UBE2E2: variants seen among roughly 807,000 people sequenced by gnomAD.
UBE2E2 encodes ubiquitin-conjugating enzyme E2 E2.
In UBE2E2, 6 loss-of-function variants were observed where a neutral mutation model predicts 24.7. That is an observed-to-expected ratio of 0.24 (90% CI 0.13 to 0.48). UBE2E2 has a LOEUF of 0.48. UBE2E2 is among the 20% of genes least tolerant of loss of function. The pLI is 0.99. For missense variants in UBE2E2, 169 were observed against 245.0 expected (o/e 0.69, Z 2.07); for synonymous variants, 104 against 83.6 (o/e 1.24, Z -1.33).
chr3:23,582,898 G>GTA (rs1696520826), intron 5 of UBE2E2, among the ~76,000 whole-genome samples: 1 of 112,232 alleles, frequency 8.9e-6, no homozygotes, highest in African/African-American at 3.9e-5. Context: ...TGTGTGTTGT[G>GTA]TGTTTGTTTG....
intron 3 of UBE2E2, among the ~76,000 whole-genome samples, chr3:23,418,553 G>T (rs2125388690): frequency 6.6e-6 from 1 of 152,316 alleles, no homozygotes; most frequent in South Asian, 2.1e-4. Flanking sequence ...ATGTTGGCCA[G>T]GCTGTTCTCG....
chr3:23,403,648 C>T (rs1006463803), intron 3 of UBE2E2, among the ~76,000 whole-genome samples: 3 of 151,984 alleles, frequency 2.0e-5, no homozygotes, highest in African/African-American at 4.8e-5. Flanking sequence ...TGGTGAAACC[C>T]GGTCTCTATT....
chr3:23,442,356 C>G (rs1233951405), intron 3 of UBE2E2, among the ~76,000 whole-genome samples: 1 of 140,044 alleles, frequency 7.1e-6, no homozygotes, highest in Non-Finnish European at 1.5e-5. Flanking sequence ...TCCCACCCAA[C>G]CCCCCAAAAA....
chr3:23,555,062 C>T (rs1030118222), intron 5 of UBE2E2, among the ~76,000 whole-genome samples: 1 of 151,902 alleles, frequency 6.6e-6, no homozygotes, highest in Non-Finnish European at 1.5e-5. Context: ...ACTACAGGTG[C>T]CTGCCACCAC....
chr3:23,483,930 G>A (rs567197485), intron 3 of UBE2E2, among the ~76,000 whole-genome samples: 14 of 152,238 alleles, frequency 9.2e-5, no homozygotes, highest in African/African-American at 1.4e-4. Context: ...CAAACACAGC[G>A]GAGTTTGTCT....
chr3:23,542,812 T>C (rs1161235989), intron 5 of UBE2E2, among the ~76,000 whole-genome samples: 1 of 152,178 alleles, frequency 6.6e-6, no homozygotes, highest in Non-Finnish European at 1.5e-5. Flanking sequence ...GTCAGTTAAG[T>C]TTGTCTGGTT....
At chr3:23,327,871 T>C (rs1264827688) in intron 3 of UBE2E2, among the ~76,000 whole-genome samples, 1 of 152,222 alleles carries the variant, frequency 6.6e-6, no homozygotes, top group African/African-American at 2.4e-5. Context: ...TCTGATTTCA[T>C]GAAATGTCAT....
At chr3:23,275,376 G>A (rs1698353755) in intron 3 of UBE2E2, among the ~76,000 whole-genome samples, 1 of 152,176 alleles carries the variant, frequency 6.6e-6, no homozygotes, top group Non-Finnish European at 1.5e-5. Context: ...TGTCCCGGAA[G>A]CTGAAATAGA....
chr3:23,467,253 T>G (rs1329884799), intron 3 of UBE2E2, among the ~76,000 whole-genome samples: 1 of 152,250 alleles, frequency 6.6e-6, no homozygotes, highest in Non-Finnish European at 1.5e-5. Flanking sequence ...AAGGTTTTCT[T>G]GACTTTTGAT....
chr3:23,433,312 TA>T (rs981289730), intron 3 of UBE2E2, among the ~76,000 whole-genome samples: 3 of 151,648 alleles, frequency 2.0e-5, no homozygotes, highest in East Asian at 1.9e-4. Flanking sequence ...TTGACTCCAT[TA>T]AAAAAAAGCT....
At chr3:23,203,494 C>A (rs1346561567) in intron 1 of UBE2E2, 30 bp downstream of exon 1, 73 of 982,194 alleles carry the variant, frequency 7.4e-5, no homozygotes, top group Non-Finnish European at 8.7e-5. Flanking sequence ...CGGTGCCTCC[C>A]CTCCTCGGGC....
At chr3:23,440,516 G>C (rs1245077116) in intron 3 of UBE2E2, among the ~76,000 whole-genome samples, 1 of 152,138 alleles carries the variant, frequency 6.6e-6, no homozygotes, top group Non-Finnish European at 1.5e-5. Context: ...ACGTTCATAC[G>C]CGTGAACAGA....
chr3:23,369,329 A>AT (rs1020075710), intron 3 of UBE2E2, among the ~76,000 whole-genome samples: 3 of 152,134 alleles, frequency 2.0e-5, no homozygotes, highest in African/African-American at 7.2e-5. Context: ...CTTTATTGTC[A>AT]TTTTTTTACT....
At chr3:23,237,356 G>A (rs11707450) in intron 3 of UBE2E2, among the ~76,000 whole-genome samples, 25,498 of 152,136 alleles carry the variant, frequency 0.17, 2,278 homozygotes, top group South Asian at 0.26. Context: ...AGTTACTAAG[G>A]CAGATAACTT....
chr3:23,406,076 G>C (rs933305864), intron 3 of UBE2E2, among the ~76,000 whole-genome samples: 8 of 152,224 alleles, frequency 5.3e-5, no homozygotes, highest in Admixed American at 5.2e-4. Flanking sequence ...ACAATAGCCT[G>C]AGTATAAAAC....
Position 23,589,789 on chromosome 3 carries a change from T to C in UBE2E2, c.564T>C (p.His188=). The C allele has an allele frequency of 6.2e-7, 1 of 1,614,218 alleles. No individual in the cohort carries two copies. The part of the protein sequence containing the change: ...ATQYMTNRAE[H]DRMARQWTKR... Reference sequence around the variant, plus strand: ...AGTACATGACCAACAGAGCAGAGCATGACCGGATGGCCAGACAGTGGACCA... The same window carrying C: ...AGTACATGACCAACAGAGCAGAGCACGACCGGATGGCCAGACAGTGGACCA... Residue 188 remains histidine, a synonymous_variant, in exon 6 of 6, where the codon CAT becomes CAC. Coordinates refer to ENST00000396703, the MANE Select transcript of UBE2E2 (RefSeq NM_152653.4). This position sits in a 1 kb window ranked among gnomAD's most constrained non-coding sequence, Gnocchi z 4.1.
intron 3 of UBE2E2, among the ~76,000 whole-genome samples, chr3:23,265,037 A>G (rs1698008584): frequency 6.6e-6 from 1 of 152,166 alleles, no homozygotes; most frequent in Non-Finnish European, 1.5e-5. Context: ...GCAAGGTGAG[A>G]AAGCGGCAAA....
intron 3 of UBE2E2, among the ~76,000 whole-genome samples, chr3:23,271,727 T>G (rs1404713457): frequency 1.3e-5 from 2 of 152,276 alleles, no homozygotes; most frequent in South Asian, 4.1e-4. Context: ...CACAGAGCAC[T>G]GATTGGTGTG....
At chr3:23,480,698 T>C (rs923843920) in intron 3 of UBE2E2, among the ~76,000 whole-genome samples, 2 of 151,864 alleles carry the variant, frequency 1.3e-5, no homozygotes, top group Non-Finnish European at 2.9e-5. Context: ...ATAAAAGCCA[T>C]TTTAAATGCT....
Sources: allele counts gnomAD v4.1 joint callset (sites outside exome capture counted in the v4.1 genomes callset), GRCh38; gene constraint gnomAD v4.1.1; non-coding constraint Gnocchi (gnomAD v3.1); transcripts MANE v1.5; gene names NCBI Gene and HGNC (gene_info 2026-07-23, HGNC 2026-07-21).